The following TRHDE variants were observed in gnomAD, a reference collection of about 807,000 sequenced individuals.
TRHDE encodes the protein thyrotropin releasing hormone degrading enzyme.
A neutral mutation model predicts 125.7 loss-of-function variants in TRHDE; 72 were observed. The observed-to-expected ratio is 0.57, with a 90% CI of 0.47 to 0.70. The LOEUF is 0.70. Among genes scored for constraint, TRHDE ranks in the 30% least tolerant of loss-of-function variants. The probability of loss-of-function intolerance (pLI) is 0.00; values close to 1 mark genes in which losing one functional copy is unlikely to be tolerated. For synonymous variants in TRHDE, 509 were observed against 509.1 expected (o/e 1.00, Z 0.00); for missense variants, 1,110 against 1,327.1 (o/e 0.84, Z 2.54).
intron 10 of TRHDE, among the ~76,000 whole-genome samples, chr12:72,573,091 G>A (rs963630340): frequency 6.6e-6 from 1 of 151,942 alleles, no homozygotes; most frequent in African/African-American, 2.4e-5. Flanking sequence ...AAAAATCTTA[G>A]TATACTTGAA....
intron 2 of TRHDE, among the ~76,000 whole-genome samples, chr12:72,128,116 G>T (rs1443626621): frequency 6.6e-6 from 1 of 152,138 alleles, no homozygotes; most frequent in Admixed American, 6.5e-5. Flanking sequence ...ACCAGAGAAA[G>T]AATGTTCTTA....
chr12:72,662,551 C>T (rs1453429810), intron 18 of TRHDE, among the ~76,000 whole-genome samples: 2 of 152,048 alleles, frequency 1.3e-5, no homozygotes, highest in Non-Finnish European at 2.9e-5. Flanking sequence ...TTTGGTTATT[C>T]AATGACATCA....
At position 72,185,669 on chromosome 12, in the gene TRHDE, G is replaced by T. The variant is rs550593675; in HGVS notation, n.279+79917G>T. On this transcript the variant is annotated intron_variant and non_coding_transcript_variant, in intron 2 of 4. Transcript: ENST00000548156. ...GGAGAACCTTTATGTCTAGCTCAGG[G>T]ATTGTAAATACACCAATCAGCACAT... is the stretch of plus-strand genomic sequence containing the variant. Among the ~76,000 whole-genome samples, 12 of 150,800 alleles carry T rather than the reference G, an allele frequency of 8.0e-5. No homozygotes were observed. The East Asian group carries it at 2.4e-3, about 30-fold the overall frequency.
intron 9 of TRHDE, among the ~76,000 whole-genome samples, chr12:72,563,838 G>T (rs1413653264): frequency 6.6e-6 from 1 of 152,062 alleles, no homozygotes; most frequent in Non-Finnish European, 1.5e-5. Flanking sequence ...GAAAGAGGGA[G>T]AGAAGTTAAA....
At chr12:72,485,731 T>C (rs1205909032) in intron 5 of TRHDE, among the ~76,000 whole-genome samples, 2 of 152,156 alleles carry the variant, frequency 1.3e-5, no homozygotes, top group African/African-American at 4.8e-5. Flanking sequence ...TGTAGCCACA[T>C]TTTATGGGGC....
intron 2 of TRHDE, among the ~76,000 whole-genome samples, chr12:72,357,237 A>G (rs1327310708): frequency 1.3e-5 from 2 of 151,552 alleles, no homozygotes; most frequent in Non-Finnish European, 3.0e-5. Context: ...AGGCAATCCT[A>G]AGCAATAACT....
chr12:72,334,574 A>G (rs1869746528), intron 2 of TRHDE, among the ~76,000 whole-genome samples: 1 of 152,200 alleles, frequency 6.6e-6, no homozygotes, highest in Admixed American at 6.5e-5. Flanking sequence ...ATCTGCAACC[A>G]GGGGGTCCCT....
At chr12:72,625,868 GTAAAA>G (rs1349480521) in intron 15 of TRHDE, among the ~76,000 whole-genome samples, 1 of 151,862 alleles carries the variant, frequency 6.6e-6, no homozygotes, top group Non-Finnish European at 1.5e-5. Flanking sequence ...TTCAAATATG[GTAAAA>G]TAAATAAATA....
intron 2 of TRHDE, among the ~76,000 whole-genome samples, chr12:72,337,583 A>G (rs1210399845): frequency 6.6e-6 from 1 of 152,028 alleles, no homozygotes; most frequent in African/African-American, 2.4e-5. Context: ...TCTAGACGGT[A>G]TAAATTTAGT....
intron 2 of TRHDE, among the ~76,000 whole-genome samples, chr12:72,369,402 G>C (rs150904684): frequency 1.3e-3 from 196 of 152,270 alleles, no homozygotes; most frequent in African/African-American, 4.3e-3. Context: ...GAATACACAG[G>C]AGTAAAGGAT....
intron 2 of TRHDE, among the ~76,000 whole-genome samples, chr12:72,248,473 A>G (rs1326676602): frequency 7.0e-6 from 1 of 142,462 alleles, no homozygotes; most frequent in Admixed American, 7.1e-5. Context: ...TTTCACATAC[A>G]TTTTAAAAAG....
intron 2 of TRHDE, among the ~76,000 whole-genome samples, chr12:72,334,550 T>A (rs1489051157): frequency 6.6e-6 from 1 of 152,224 alleles, no homozygotes; most frequent in African/African-American, 2.4e-5. Flanking sequence ...GACGGCCTGA[T>A]GCCCAGCTGT....
At chr12:72,366,379 A>T (rs1253301457) in intron 2 of TRHDE, among the ~76,000 whole-genome samples, 1 of 152,176 alleles carries the variant, frequency 6.6e-6, no homozygotes, top group Non-Finnish European at 1.5e-5. Context: ...GTGATTTACA[A>T]GAAGAGACTA....
intron 5 of TRHDE, among the ~76,000 whole-genome samples, chr12:72,485,982 A>T (rs573548): frequency 0.37 from 56,685 of 151,480 alleles, 12,649 homozygotes; most frequent in African/African-American, 0.62. Flanking sequence ...CTTAGTTCCA[A>T]CCTCTCAGGG....
intron 15 of TRHDE, among the ~76,000 whole-genome samples, chr12:72,635,683 G>A (rs1176939975): frequency 6.7e-5 from 10 of 150,134 alleles, no homozygotes; most frequent in Non-Finnish European, 1.3e-4. Flanking sequence ...TTTTGTATAA[G>A]GTGTAAGGAA....
In TRHDE at chr12:72,272,817, G is replaced by A; in HGVS notation, c.174G>A (p.Arg58=). Residue 58 remains arginine, a synonymous_variant, in exon 1 of 19, where the codon AGG becomes AGA. Coordinates refer to ENST00000261180, the MANE Select transcript of TRHDE (RefSeq NM_013381.3). The surrounding 1 kb of genome is among the most constrained non-coding windows in gnomAD (Gnocchi z 6.7). The stretch of plus-strand genomic sequence containing the variant: ...ACGCCGCGCTTCGGGCTGGCAGCAG[G>A]GGGCTCTCCGACCCGTGGGCAGACT... The part of the protein sequence containing the change: ...EDDAALRAGS[R]GLSDPWADSV... The A allele has an allele frequency of 1.3e-6, 2 of 1,573,762 alleles. No homozygotes were observed. The highest frequency in any genetic ancestry group is 1.7e-5 in the Admixed American group (1 of 58,396).
At chr12:72,511,026 A>C (rs879364740) in intron 6 of TRHDE, among the ~76,000 whole-genome samples, 1 of 152,188 alleles carries the variant, frequency 6.6e-6, no homozygotes, top group Non-Finnish European at 1.5e-5. Flanking sequence ...AGATGGACTT[A>C]AATTACAGGA....
At chr12:72,491,448 TTGAG>T (rs1322735293) in intron 5 of TRHDE, among the ~76,000 whole-genome samples, 2 of 151,996 alleles carry the variant, frequency 1.3e-5, no homozygotes, top group South Asian at 2.1e-4. Flanking sequence ...TTTAAGGTTC[TTGAG>T]TAAGTCTGCA....
At chr12:72,616,622 G>A (rs1036192758) in intron 12 of TRHDE, among the ~76,000 whole-genome samples, 1 of 151,986 alleles carries the variant, frequency 6.6e-6, no homozygotes, top group African/African-American at 2.4e-5. Context: ...CAATTTTAGA[G>A]ATGAAATAAA....
Sources: allele counts gnomAD v4.1 joint callset (sites outside exome capture counted in the v4.1 genomes callset), GRCh38; gene constraint gnomAD v4.1.1; non-coding constraint Gnocchi (gnomAD v3.1); transcripts MANE v1.5; gene names NCBI Gene and HGNC (gene_info 2026-07-23, HGNC 2026-07-21).